Variants in UVRAG observed in about 807,000 individuals in gnomAD.
UVRAG encodes UV radiation resistance associated.
A neutral mutation model predicts 78.0 loss-of-function variants in UVRAG; 19 were observed. That is an observed-to-expected ratio of 0.24 (90% CI 0.17 to 0.36). The LOEUF is 0.36. Ranked by LOEUF, UVRAG falls within the 10% of genes least tolerant of loss-of-function variation. The pLI is 1.00. For missense variants in UVRAG, 740 were observed against 853.8 expected (o/e 0.87, Z 1.66); for synonymous variants, 323 against 324.6 (o/e 1.00, Z 0.05).
At chr11:76,079,252 G>A (rs1283852723) in intron 13 of UVRAG, among the ~76,000 whole-genome samples, 1 of 152,162 alleles carries the variant, frequency 6.6e-6, no homozygotes, top group African/African-American at 2.4e-5. Context: ...GGGAGGCCAA[G>A]GCAGGAGGAT....
intron 14 of UVRAG, among the ~76,000 whole-genome samples, chr11:76,140,376 T>C (rs1273186835): frequency 6.6e-6 from 1 of 152,018 alleles, no homozygotes; most frequent in Non-Finnish European, 1.5e-5. Flanking sequence ...GTTAGTTATA[T>C]CCTTCACATG....
rs140842127 is a variant in UVRAG, at chr11:76,120,745, C to T, written c.1397+4730C>T. Among the ~76,000 whole-genome samples, 387 of 152,234 alleles carry T rather than the reference C, an allele frequency of 2.5e-3. 5 individuals carry two copies. The highest frequency in any genetic ancestry group is 8.8e-3 in the African/African-American group (366 of 41,516). ...ACATATCAGTTCCAAGTAAAGATCA[C>T]GGCAGGAAGCCAGGCTGGAAGTCAC... On this transcript the variant is annotated intron_variant, in intron 14 of 14. Coordinates refer to ENST00000356136, the MANE Select transcript of UVRAG (RefSeq NM_003369.4).
rs1952739700 is a variant in UVRAG at position 76,142,432 on chromosome 11, G to A, written c.*1019G>A. The A allele has an allele frequency of 6.6e-6, 1 of 152,520 alleles. No individual in the cohort carries two copies. Among genetic ancestry groups the A allele is most frequent in the African/African-American group, 2.4e-5 (1 of 41,434 alleles). The allele number at this position is 152,520 out of a possible 1,614,324, so 9.4% of individuals were successfully genotyped here. On this transcript the variant is annotated 3_prime_UTR_variant, in exon 15 of 15. Coordinates refer to ENST00000356136, the MANE Select transcript of UVRAG (RefSeq NM_003369.4). Reference sequence around the variant, plus strand: ...GGCAGTTGAGATAGTTGGATTAAGAGGCTAGACGAGACATAGAATACTATT... The same window carrying A: ...GGCAGTTGAGATAGTTGGATTAAGAAGCTAGACGAGACATAGAATACTATT...
At chr11:75,900,639 AG>A (rs1187660927) in intron 5 of UVRAG, among the ~76,000 whole-genome samples, 1 of 152,144 alleles carries the variant, frequency 6.6e-6, no homozygotes, top group Non-Finnish European at 1.5e-5. Context: ...TTTTTGCTTA[AG>A]GGACGGCTAC....
chr11:75,849,692 G>A (rs1946114208), intron 1 of UVRAG, among the ~76,000 whole-genome samples: 1 of 152,096 alleles, frequency 6.6e-6, no homozygotes, highest in African/African-American at 2.4e-5. Flanking sequence ...GAAGATAACG[G>A]TAAACAATTA....
chr11:75,958,066 T>A (rs901877825), intron 6 of UVRAG, among the ~76,000 whole-genome samples: 2 of 152,214 alleles, frequency 1.3e-5, no homozygotes, highest in Non-Finnish European at 2.9e-5. Context: ...ACTTCATTGC[T>A]AAAAAATGCT....
At chr11:76,101,338 G>A (rs1343499242) in intron 13 of UVRAG, among the ~76,000 whole-genome samples, 1 of 151,934 alleles carries the variant, frequency 6.6e-6, no homozygotes, top group East Asian at 1.9e-4. Context: ...ACATTTCTTA[G>A]ATATCAGTGA....
rs140371958 is a variant in UVRAG at position 76,004,525 on chromosome 11, A to G, written c.911+436A>G. ...TCTTCATCTTTCCAGATTGTTCTCC[A>G]TGCTACGATCAGACCTCTCCTCTTA... On this transcript the variant is annotated intron_variant, in intron 9 of 14. Transcript: ENST00000356136. 4.4e-3 allele frequency among the ~76,000 whole-genome samples: 664 copies of G among 151,588 alleles called. 5 individuals carry two copies. The highest frequency in any genetic ancestry group is 0.015 in the African/African-American group (640 of 41,292).
chr11:75,874,760 A>T (rs1946728600), intron 3 of UVRAG, among the ~76,000 whole-genome samples: 1 of 152,242 alleles, frequency 6.6e-6, no homozygotes, highest in African/African-American at 2.4e-5. Flanking sequence ...TTCAAGCTTC[A>T]TAAAAACCCT....
chr11:75,987,739 CTG>C (rs1450963703), intron 8 of UVRAG, among the ~76,000 whole-genome samples: 7 of 150,466 alleles, frequency 4.7e-5, no homozygotes, highest in Non-Finnish European at 1.0e-4. Context: ...TTTGCATTAA[CTG>C]TTTTTTTTTT....
intron 14 of UVRAG, among the ~76,000 whole-genome samples, chr11:76,122,776 G>T (rs1437344700): frequency 1.3e-5 from 2 of 152,092 alleles, no homozygotes; most frequent in Non-Finnish European, 2.9e-5. Context: ...CCACTCTGAG[G>T]CCTTAGAGAT....
intron 6 of UVRAG, among the ~76,000 whole-genome samples, chr11:75,950,893 G>T (rs1948679495): frequency 6.7e-6 from 1 of 149,736 alleles, no homozygotes; most frequent in Admixed American, 6.7e-5. Flanking sequence ...CTCAATTATT[G>T]GGTTGTTTAT....
chr11:76,041,515 C>A (rs1476687858), intron 12 of UVRAG, among the ~76,000 whole-genome samples: 7 of 152,196 alleles, frequency 4.6e-5, no homozygotes, highest in African/African-American at 1.7e-4. Context: ...AGCACAGACA[C>A]CAAATGGAAT....
chr11:75,985,159 T>C (rs1259663965), intron 8 of UVRAG, among the ~76,000 whole-genome samples: 174 of 151,720 alleles, frequency 1.1e-3, no homozygotes, highest in African/African-American at 2.3e-3. Context: ...CTTTTCTTTT[T>C]TTTTTTTTTT....
intron 8 of UVRAG, among the ~76,000 whole-genome samples, chr11:75,997,007 T>C (rs554844817): frequency 3.5e-4 from 53 of 152,326 alleles, no homozygotes; most frequent in African/African-American, 1.2e-3. Context: ...CTCTTAGCAC[T>C]AAATGCAGAG....
intron 6 of UVRAG, among the ~76,000 whole-genome samples, chr11:75,937,538 G>GT (rs1383998888): frequency 6.6e-6 from 1 of 152,116 alleles, no homozygotes; most frequent in Non-Finnish European, 1.5e-5. Flanking sequence ...TAGGTTACGG[G>GT]TTTTTTATGT....
intron 8 of UVRAG, among the ~76,000 whole-genome samples, chr11:76,000,251 A>G (rs1262658606): frequency 3.3e-5 from 5 of 152,238 alleles, no homozygotes; most frequent in Non-Finnish European, 7.3e-5. Flanking sequence ...GATTTACAAC[A>G]AAACAAAAAA....
chr11:76,092,785 C>T (rs144306824), intron 13 of UVRAG, among the ~76,000 whole-genome samples: 2,930 of 152,062 alleles, frequency 0.019, 94 homozygotes, highest in African/African-American at 0.067. Context: ...TTCTGTAGGT[C>T]ACCTGTTCAC....
chr11:76,115,854 T>A (rs1952167310), intron 13 of UVRAG, 70 bp from the exon 14 acceptor site: 1 of 1,375,812 alleles, frequency 7.3e-7, no homozygotes, highest in Non-Finnish European at 1.0e-6. Context: ...AATAACTTGT[T>A]TAGTGGTTCA....
Sources: gnomAD v4.1 joint callset for allele counts (sites outside exome capture counted in the v4.1 genomes callset) on GRCh38, gnomAD v4.1.1 for gene constraint, MANE v1.5 for transcripts, NCBI Gene and HGNC (gene_info 2026-07-23, HGNC 2026-07-21) for gene names.